Variants in ATAD2B observed in about 807,000 individuals in gnomAD.
ATAD2B encodes ATPase family AAA domain containing 2B.
ATAD2B carries 40 observed loss-of-function variants against 167.6 expected under a neutral mutation model. The observed-to-expected ratio is 0.24, with a 90% CI of 0.19 to 0.31. ATAD2B has a LOEUF of 0.31. ATAD2B is among the 10% of genes least tolerant of loss of function. The pLI is 1.00. For missense variants in ATAD2B, 1,242 were observed against 1,757.2 expected (o/e 0.71, Z 5.24); for synonymous variants, 579 against 596.5 (o/e 0.97, Z 0.43).
chr2:23,828,072 GTT>G (rs564313058), intron 15 of ATAD2B, among the ~76,000 whole-genome samples: 1 of 144,554 alleles, frequency 6.9e-6, no homozygotes. Flanking sequence ...TGAAGATTGG[GTT>G]TTTTTTTTTT....
At chr2:23,799,526 T>C (rs530279582) in intron 18 of ATAD2B, among the ~76,000 whole-genome samples, 2 of 114,346 alleles carry the variant, frequency 1.7e-5, no homozygotes, top group South Asian at 6.1e-4. Flanking sequence ...TGAGCCGAGA[T>C]CACACCACTA....
intron 8 of ATAD2B, chr2:23,872,892 G>A (rs959055357): frequency 2.1e-5 from 17 of 791,074 alleles, no homozygotes; most frequent in East Asian, 7.3e-5. Context: ...CTGCCTGCCT[G>A]CCACTCTTCA....
At chr2:23,739,851 A>G in the ATAD2B span, among the ~76,000 whole-genome samples, 1 of 152,222 alleles carries the variant, frequency 6.6e-6, no homozygotes, top group Admixed American at 6.5e-5. Flanking sequence ...AGATGCAATA[A>G]AAAATGATAA....
intron 20 of ATAD2B, 24 bp from the exon 21 acceptor site, chr2:23,786,247 T>C (rs1414546686): frequency 1.3e-6 from 2 of 1,536,450 alleles, no homozygotes; most frequent in Non-Finnish European, 1.8e-6. Context: ...AAGAAAATGT[T>C]AAGATTCCAA....
chr2:23,870,071 G>A (rs761501643), intron 8 of ATAD2B, among the ~76,000 whole-genome samples: 6 of 151,588 alleles, frequency 4.0e-5, no homozygotes, highest in East Asian at 1.9e-4. Context: ...AGCCAGGCAC[G>A]GGGTGGGCAC....
intron 21 of ATAD2B, among the ~76,000 whole-genome samples, chr2:23,783,711 A>C (rs373337149): frequency 6.6e-6 from 1 of 152,092 alleles, no homozygotes; most frequent in South Asian, 2.1e-4. Context: ...TTTGCCCAAT[A>C]AATTGAGTAT....
chr2:23,767,105 T>C (rs1198951149), intron 22 of ATAD2B, among the ~76,000 whole-genome samples: 2 of 152,228 alleles, frequency 1.3e-5, no homozygotes, highest in African/African-American at 4.8e-5. Context: ...AAACTTAACT[T>C]CCTCGTAAAG....
chr2:23,850,143 A>AC (rs1412246098), intron 13 of ATAD2B, among the ~76,000 whole-genome samples: 1 of 151,664 alleles, frequency 6.6e-6, no homozygotes, highest in Non-Finnish European at 1.5e-5. Context: ...CGTCTCAAAA[A>AC]AAAAAAAAAA....
the ATAD2B span, among the ~76,000 whole-genome samples, chr2:23,685,119 C>T: frequency 1.3e-5 from 2 of 152,232 alleles, no homozygotes; most frequent in African/African-American, 2.4e-5. Context: ...GAGCCTAAAC[C>T]GGCGCTGTGG....
At chr2:23,834,204 CAGGCTGG>C in intron 13 of ATAD2B, 126 bp from the exon 14 acceptor site, 1 of 610,676 alleles carries the variant, frequency 1.6e-6, no homozygotes, top group Non-Finnish European at 2.5e-6. Flanking sequence ...TTCCGTTGCC[CAGGCTGG>C]AGGGCAGTGG....
At chr2:23,742,220 T>C in the ATAD2B span, among the ~76,000 whole-genome samples, 4 of 152,116 alleles carry the variant, frequency 2.6e-5, no homozygotes, top group Non-Finnish European at 2.9e-5. Context: ...ACCCAAAGGA[T>C]TATAAATCAT....
intron 18 of ATAD2B, among the ~76,000 whole-genome samples, chr2:23,808,082 T>TATATATATAATTATATATATAAGTA (rs1684862346): frequency 7.6e-6 from 1 of 131,894 alleles, no homozygotes; most frequent in Non-Finnish European, 1.6e-5. Flanking sequence ...TATAAGTAAT[T>TATATATATAATTATATATATAAGTA]ATATATATAA....
chr2:23,770,270 C>A (rs983882255), intron 22 of ATAD2B, among the ~76,000 whole-genome samples: 9 of 151,912 alleles, frequency 5.9e-5, no homozygotes, highest in Non-Finnish European at 1.3e-4. Flanking sequence ...GAGCTGAGAT[C>A]ATGCCACTGC....
chr2:23,699,677 A>G, the ATAD2B span, among the ~76,000 whole-genome samples: 156 of 150,970 alleles, frequency 1.0e-3, no homozygotes, highest in African/African-American at 3.6e-3. Context: ...GTTCAACCCA[A>G]CCGTTTGCCT....
chr2:23,784,154 A>T (rs900099931), intron 21 of ATAD2B, among the ~76,000 whole-genome samples: 2 of 152,108 alleles, frequency 1.3e-5, no homozygotes, highest in African/African-American at 4.8e-5. Flanking sequence ...ATGCCTGTGT[A>T]TAAGTGGAAA....
At chr2:23,857,355 G>C (rs1693586294) in intron 13 of ATAD2B, 60 bp downstream of exon 13, 1 of 930,186 alleles carries the variant, frequency 1.1e-6, no homozygotes, top group African/African-American at 1.8e-5. Context: ...AAGGGCTAAG[G>C]CTAACTACCA....
In ATAD2B at chr2:23,828,885, C is replaced by T; in HGVS notation, c.1783G>A (p.Asp595Asn). 1 of 1,611,170 alleles carries T rather than the reference C, an allele frequency of 6.2e-7. No individual in the cohort carries two copies. Among genetic ancestry groups the T allele is most frequent in the East Asian group, 2.2e-5 (1 of 44,746 alleles). The change falls in exon 15 of 28, where the codon GAT (aspartate) becomes AAT (asparagine). Residue 595 changes from aspartate to asparagine, a missense_variant. By Grantham distance (23) the Asp-to-Asn change is conservative. Transcript: ENST00000238789. ...HTRDWNPKLSDAFLGELAEKC... is the reference protein window; with the variant it reads ...HTRDWNPKLSNAFLGELAEKC... ...TCAGCCAATTCACCTAAAAATGCAT[C>T]TGACAATTTTGGATTCCAGTCCCTG...
intron 10 of ATAD2B, among the ~76,000 whole-genome samples, chr2:23,865,172 C>T (rs952878152): frequency 6.6e-6 from 1 of 152,034 alleles, no homozygotes; most frequent in Admixed American, 6.6e-5. Flanking sequence ...CAACCTAAAA[C>T]TTTAATAGGT....
intron 18 of ATAD2B, among the ~76,000 whole-genome samples, chr2:23,803,313 TACAC>T (rs150446002): frequency 0.15 from 22,044 of 149,354 alleles, 1,605 homozygotes; most frequent in Middle Eastern, 0.24. Context: ...CATATGTGTG[TACAC>T]ACACACACAC....
Sources: gnomAD v4.1 joint callset for allele counts (sites outside exome capture counted in the v4.1 genomes callset) on GRCh38, gnomAD v4.1.1 for gene constraint, MANE v1.5 for transcripts, NCBI Gene and HGNC (gene_info 2026-07-23, HGNC 2026-07-21) for gene names.